The following RBPJ variants were observed in gnomAD, a reference collection of about 807,000 sequenced individuals.
RBPJ encodes the protein recombination signal binding protein for immunoglobulin kappa J region.
RBPJ carries 9 observed loss-of-function variants against 67.8 expected under a neutral mutation model. That is an observed-to-expected ratio of 0.13 (90% CI 0.08 to 0.23). RBPJ has a LOEUF of 0.23. RBPJ is among the 10% of genes least tolerant of loss of function. The pLI, the probability that RBPJ is intolerant of heterozygous loss-of-function variation, is 1.00. For synonymous variants in RBPJ, 198 were observed against 203.3 expected, an observed-to-expected ratio of 0.97 and a Z score of 0.22; for missense variants, 305 against 595.6, an observed-to-expected ratio of 0.51 and a Z score of 5.08.
intron 1 of RBPJ, among the ~76,000 whole-genome samples, chr4:26,271,990 C>A (rs1163522111): frequency 6.6e-6 from 1 of 152,198 alleles, no homozygotes; most frequent in Non-Finnish European, 1.5e-5. Flanking sequence ...TTCTGTAGGG[C>A]CAGTGCCTTG....
the RBPJ span, among the ~76,000 whole-genome samples, chr4:26,119,915 A>G: frequency 6.6e-6 from 1 of 152,260 alleles, no homozygotes; most frequent in Non-Finnish European, 1.5e-5. Flanking sequence ...AGACCCCACC[A>G]TTGTGGCTAC....
At chr4:26,417,191 G>T (rs780849440) in intron 4 of RBPJ, among the ~76,000 whole-genome samples, 1 of 152,180 alleles carries the variant, frequency 6.6e-6, no homozygotes, top group Non-Finnish European at 1.5e-5. Flanking sequence ...AGCTACCTGT[G>T]TGTATAACTG....
chr4:26,265,190 CA>C (rs1428807102), intron 1 of RBPJ, among the ~76,000 whole-genome samples: 1 of 152,102 alleles, frequency 6.6e-6, no homozygotes, highest in African/African-American at 2.4e-5. Flanking sequence ...GTTGTCTTAC[CA>C]TGCATATAAA....
chr4:26,241,342 A>G (rs1719631013), intron 1 of RBPJ, among the ~76,000 whole-genome samples: 1 of 152,192 alleles, frequency 6.6e-6, no homozygotes, highest in South Asian at 2.1e-4. Flanking sequence ...TTGGAGACTT[A>G]AGCAGAAGAA....
chr4:26,400,506 C>T (rs572395718), intron 2 of RBPJ, among the ~76,000 whole-genome samples: 1,803 of 151,948 alleles, frequency 0.012, 30 homozygotes, highest in African/African-American at 0.04. Context: ...ATTTGACAGG[C>T]TTTTTACTAT....
At chr4:26,415,338 T>G (rs947452041) in intron 3 of RBPJ, 137 bp from the exon 4 acceptor site, 1 of 722,232 alleles carries the variant, frequency 1.4e-6, no homozygotes, top group African/African-American at 1.8e-5. Flanking sequence ...TACAAAAGGC[T>G]TCACCAAAAT....
At chr4:26,380,295 G>A (rs989915211) in intron 1 of RBPJ, among the ~76,000 whole-genome samples, 4 of 152,074 alleles carry the variant, frequency 2.6e-5, no homozygotes, top group African/African-American at 4.8e-5. Context: ...AAGCTACATC[G>A]TTGTTCATTT....
chr4:26,316,827 C>CTCT (rs1722664637), upstream of RBPJ, among the ~76,000 whole-genome samples: 2 of 71,396 alleles, frequency 2.8e-5, no homozygotes, highest in Non-Finnish European at 5.1e-5. Flanking sequence ...ACCCAGACGA[C>CTCT]TTTTTTTTTT....
chr4:26,319,989 C>G, upstream of RBPJ: 1 of 1,045,670 alleles, frequency 9.6e-7, no homozygotes. Flanking sequence ...GCCTGAAGCG[C>G]GATTCGGGCA....
upstream of RBPJ, among the ~76,000 whole-genome samples, chr4:26,163,145 G>A (rs1025881601): frequency 5.9e-5 from 9 of 151,974 alleles, 1 homozygote; most frequent in Admixed American, 5.2e-4. Context: ...TAACATCTGA[G>A]GTCAGGAACA....
chr4:26,301,958 AT>A (rs567991672), intron 1 of RBPJ, among the ~76,000 whole-genome samples: 1 of 151,894 alleles, frequency 6.6e-6, no homozygotes, highest in Non-Finnish European at 1.5e-5. Context: ...AGGCCCAGCT[AT>A]TTTTTTGTAT....
At chr4:26,397,534 C>G (rs566707955) in intron 2 of RBPJ, among the ~76,000 whole-genome samples, 1 of 152,306 alleles carries the variant, frequency 6.6e-6, no homozygotes, top group African/African-American at 2.4e-5. Context: ...CAGGGATCAA[C>G]AAGCATTTTC....
chr4:26,225,363 G>T (rs568728650), intron 1 of RBPJ, among the ~76,000 whole-genome samples: 5 of 152,284 alleles, frequency 3.3e-5, no homozygotes, highest in African/African-American at 1.2e-4. Flanking sequence ...GCCCGAAAAG[G>T]CTACATGCTG....
intron 1 of RBPJ, among the ~76,000 whole-genome samples, chr4:26,344,273 C>T (rs1417363990): frequency 6.6e-6 from 1 of 151,874 alleles, no homozygotes; most frequent in East Asian, 1.9e-4. Context: ...CTGGCTCTGT[C>T]ACCCAGGCTG....
intron 1 of RBPJ, among the ~76,000 whole-genome samples, chr4:26,179,725 A>C: frequency 6.6e-6 from 1 of 152,226 alleles, no homozygotes; most frequent in East Asian, 1.9e-4. Context: ...GTGGGAGTGT[A>C]AATTAGTTCA....
intron 1 of RBPJ, among the ~76,000 whole-genome samples, chr4:26,360,389 A>G (rs1727910451): frequency 6.6e-6 from 1 of 152,206 alleles, no homozygotes; most frequent in Non-Finnish European, 1.5e-5. Context: ...TAGCTTATCA[A>G]TCATATATTC....
chr4:26,315,163 A>T (rs1455120693), upstream of RBPJ, among the ~76,000 whole-genome samples: 1 of 109,236 alleles, frequency 9.2e-6, no homozygotes, highest in Non-Finnish European at 1.7e-5. Context: ...AAAAAAAAAA[A>T]AAAAATATAT....
chr4:26,377,735 T>G (rs988584231), intron 1 of RBPJ, among the ~76,000 whole-genome samples: 3 of 152,238 alleles, frequency 2.0e-5, no homozygotes, highest in Non-Finnish European at 4.4e-5. Context: ...TGTAAATTCT[T>G]TACTTATCTG....
Position 26,431,772 on chromosome 4 carries a change from T to C in RBPJ, c.*765T>C, listed in dbSNP as rs1227983377. The C allele has an allele frequency of 2.0e-5, 3 of 152,190 alleles. No individual in the cohort carries two copies. The highest frequency in any genetic ancestry group is 3.2e-3 in the Middle Eastern group (1 of 316). 9.4% of individuals were successfully genotyped at this position (152,190 alleles called of 1,614,324 possible). ...TCTGCCTTGCCTGCAATACATGCAA[T>C]GTATGTTAACTTAGTCTCTCTTCTC... On this transcript the variant is annotated 3_prime_UTR_variant, in exon 11 of 11. Transcript: ENST00000355476.
Sources: gnomAD v4.1 joint callset for allele counts (sites outside exome capture counted in the v4.1 genomes callset) on GRCh38, gnomAD v4.1.1 for gene constraint, MANE v1.5 for transcripts, NCBI Gene and HGNC (gene_info 2026-07-23, HGNC 2026-07-21) for gene names.